EML2: variants seen among roughly 807,000 people sequenced by gnomAD.
The protein encoded by EML2 is echinoderm microtubule-associated protein-like 2.
EML2 carries 59 observed loss-of-function variants against 84.7 expected under a neutral mutation model. The ratio of observed to expected loss-of-function variants is 0.70; its 90% CI spans 0.56 to 0.86. The LOEUF (loss-of-function observed/expected upper bound fraction) is 0.86. Ranked by LOEUF, EML2 falls within the 40% of genes least tolerant of loss-of-function variation. The probability of loss-of-function intolerance (pLI) is 0.00; values close to 1 mark genes in which losing one functional copy is unlikely to be tolerated. For missense variants in EML2, 818 were observed against 855.6 expected, an observed-to-expected ratio of 0.96 and a Z score of 0.55; for synonymous variants, 352 against 348.9, an observed-to-expected ratio of 1.01 and a Z score of -0.10.
chr19:45,634,954 G>A lies in EML2; in HGVS notation c.180-483C>T, dbSNP rs192217086. On this transcript the variant is annotated intron_variant, in intron 3 of 18. Transcript: ENST00000245925. ...CAACCTCCGACTCCCTGGTTCAAAC[G>A]ATTCCCCTGCCTCAGCCTCCTGAGT... Among the ~76,000 whole-genome samples, 6 of 149,024 alleles carry A rather than the reference G, an allele frequency of 4.0e-5. No individual in the cohort carries two copies. The East Asian group carries it at 1.2e-3, about 30-fold the overall frequency.
At chr19:45,623,216 G>A (rs1040499875) in intron 9 of EML2, among the ~76,000 whole-genome samples, 1 of 151,956 alleles carries the variant, frequency 6.6e-6, no homozygotes, top group Non-Finnish European at 1.5e-5. Flanking sequence ...AAAATTAGCC[G>A]GGTGTGGTGG....
In EML2 at chr19:45,626,855, G is replaced by A. The variant is rs1232835801; in HGVS notation, c.607-16C>T. 6.3e-7 allele frequency: 1 copy of A among 1,598,514 alleles called. No individual in the cohort carries two copies. Among genetic ancestry groups the A allele is most frequent in the Non-Finnish European group, 8.5e-7 (1 of 1,171,700 alleles). On this transcript the variant is annotated splice_polypyrimidine_tract_variant and intron_variant, in intron 7 of 18. Transcript: ENST00000245925. The stretch of plus-strand genomic sequence containing the variant: ...CATTGGAGCACTTTGGGGGGTGGGG[G>A]AGATTCTGAATGAGGACCTCAAAGT...
rs1600103093 is a variant in EML2, at chr19:45,618,979, C to T, written c.1254+81G>A. On this transcript the variant is annotated intron_variant, in intron 12 of 18. Coordinates refer to ENST00000245925, the MANE Select transcript of EML2 (RefSeq NM_012155.4). ...AAAAAAAAAAGACCTTGTTTGGTTT[C>T]AGTCTAATGTGCTGAGCCCTGACAC... The T allele has an allele frequency of 1.0e-5, 14 of 1,355,998 alleles. No individual in the cohort carries two copies. The East Asian group carries it at 3.6e-4, about 35-fold the overall frequency. The allele number at this position is 1,355,998 out of a possible 1,614,324, so 84.0% of individuals were successfully genotyped here. A position where few individuals can be genotyped will look rare whatever the true frequency, so the allele number is the denominator to read the frequency against.
upstream of EML2, among the ~76,000 whole-genome samples, chr19:45,639,712 G>C (rs541077307): frequency 9.2e-5 from 14 of 152,260 alleles, no homozygotes; most frequent in African/African-American, 3.1e-4. Flanking sequence ...AAGAGTACCC[G>C]GCCGGGCGCG....
intron 8 of EML2, among the ~76,000 whole-genome samples, chr19:45,625,322 C>T (rs937618133): frequency 6.6e-6 from 1 of 152,200 alleles, no homozygotes; most frequent in Non-Finnish European, 1.5e-5. Flanking sequence ...CTCACTGCAA[C>T]CTCCACCTCC....
At chr19:45,627,069 C>T (rs971692166) in intron 7 of EML2, among the ~76,000 whole-genome samples, 4 of 151,160 alleles carry the variant, frequency 2.6e-5, no homozygotes, top group Admixed American at 6.6e-5. Flanking sequence ...AAGCGATTCT[C>T]TTGCCTCAGC....
chr19:45,627,149 A>C (rs1441086548), intron 7 of EML2, among the ~76,000 whole-genome samples: 1 of 151,784 alleles, frequency 6.6e-6, no homozygotes, highest in African/African-American at 2.4e-5. Flanking sequence ...TAGTAGAGAC[A>C]GGATTTCACC....
chr19:45,621,188 G>A lies in EML2; in HGVS notation c.1122+19C>T, dbSNP rs756209994. ...AAAGAGCTGGGAAGAGGGGAGGGGT[G>A]CAGAGGAGAGAGGCGCACCTGGACC... On this transcript the variant is annotated intron_variant, in intron 11 of 18. Coordinates refer to ENST00000245925, the MANE Select transcript of EML2 (RefSeq NM_012155.4). 61 of 1,611,884 alleles carry A rather than the reference G, an allele frequency of 3.8e-5. No homozygotes were observed. Among genetic ancestry groups the A allele is most frequent in the Non-Finnish European group, 3.1e-5 (36 of 1,179,734 alleles).
upstream of EML2, chr19:45,641,986 GGGT>G: frequency 6.9e-7 from 1 of 1,446,456 alleles, no homozygotes; most frequent in Non-Finnish European, 9.0e-7. Flanking sequence ...CGCGCCGCGG[GGGT>G]CCCGAGCCAT....
intron 14 of EML2, 23 bp downstream of exon 14, chr19:45,616,742 G>T: frequency 6.2e-7 from 1 of 1,606,368 alleles, no homozygotes; most frequent in East Asian, 2.2e-5. Flanking sequence ...CTGCCGCTTG[G>T]GTGTCCCAGG....
At chr19:45,615,939 G>A (rs1600085991) in intron 15 of EML2, 50 bp from the exon 16 acceptor site, 1 of 1,371,984 alleles carries the variant, frequency 7.3e-7, no homozygotes. Context: ...GCGGAACCAA[G>A]GAGAGGGGGA....
chr19:45,639,523 T>C (rs1460314593), upstream of EML2: 3 of 782,186 alleles, frequency 3.8e-6, no homozygotes, highest in Non-Finnish European at 5.2e-6. Flanking sequence ...GGGTCACACA[T>C]CCCGGGCTGT....
intron 3 of EML2, among the ~76,000 whole-genome samples, chr19:45,637,667 C>CTTTTT (rs58180181): frequency 7.2e-3 from 352 of 48,850 alleles, no homozygotes; most frequent in Middle Eastern, 0.019. Flanking sequence ...TTTTTCTTTT[C>CTTTTT]TTTTTTTTTT....
At chr19:45,645,291 G>A (rs1309154705), upstream of EML2, 1 of 1,533,776 alleles carries the variant, frequency 6.5e-7, no homozygotes. Flanking sequence ...TATCGCAGCA[G>A]CGAGGACGTG....
At position 45,626,985 on chromosome 19, in the gene EML2, A is replaced by C. The variant is rs1406693586; in HGVS notation, c.607-146T>G. 15 of 709,538 alleles carry C rather than the reference A, an allele frequency of 2.1e-5. No individual in the cohort carries two copies. The East Asian group carries it at 4.6e-4, about 22-fold the overall frequency. 44.0% of individuals were successfully genotyped at this position (709,538 alleles called of 1,614,324 possible). A position where few individuals can be genotyped will look rare whatever the true frequency, so the allele number is the denominator to read the frequency against. ...CTTTTTTTTTTTTTTTTCAGGGCAG[A>C]GTCTCACCCTGTCACCCAGACTGGA... On this transcript the variant is annotated intron_variant, in intron 7 of 18. Transcript: ENST00000245925.
chr19:45,641,366 G>T (rs1974474318), upstream of EML2: 1 of 443,512 alleles, frequency 2.3e-6, no homozygotes, highest in Non-Finnish European at 4.2e-6. Context: ...ACGCCCATAA[G>T]CCAAGCTCCT....
chr19:45,629,464 A>C (rs933798851), intron 7 of EML2, among the ~76,000 whole-genome samples: 2 of 152,090 alleles, frequency 1.3e-5, no homozygotes, highest in African/African-American at 2.4e-5. Context: ...AGCTGGGATT[A>C]CAGGCATGTG....
chr19:45,639,565 G>A (rs1299459911), upstream of EML2: 2 of 447,712 alleles, frequency 4.5e-6, no homozygotes, highest in Non-Finnish European at 7.3e-6. Context: ...TTCGGGGTGG[G>A]TGGGGGAGAG....
upstream of EML2, chr19:45,643,430 A>ACCC: frequency 2.2e-6 from 2 of 912,380 alleles, no homozygotes; most frequent in South Asian, 1.5e-5. Flanking sequence ...TCGCCTCTGT[A>ACCC]CCCCGCGCCC....
Sources: allele counts gnomAD v4.1 joint callset (sites outside exome capture counted in the v4.1 genomes callset), GRCh38; gene constraint gnomAD v4.1.1; transcripts MANE v1.5; gene names NCBI Gene and HGNC (gene_info 2026-07-23, HGNC 2026-07-21).